The following SGCZ variants were observed in gnomAD, a reference collection of about 807,000 sequenced individuals.
SGCZ encodes zeta-sarcoglycan.
A neutral mutation model predicts 41.3 loss-of-function variants in SGCZ; 40 were observed. The observed-to-expected ratio is 0.97, with a 90% CI of 0.75 to 1.26. The LOEUF is 1.26. SGCZ is among the 50% of genes most tolerant of loss of function. SGCZ has a pLI of 0.00. For missense variants in SGCZ, 552 were observed against 369.8 expected, an observed-to-expected ratio of 1.49 and a Z score of -4.04; for synonymous variants, 206 against 137.5, an observed-to-expected ratio of 1.50 and a Z score of -3.49.
chr8:14,886,546 C>T (rs1178879610), intron 1 of SGCZ, among the ~76,000 whole-genome samples: 1 of 151,852 alleles, frequency 6.6e-6, no homozygotes, highest in East Asian at 2.0e-4. Flanking sequence ...AATGAGGTGG[C>T]TGGGGGAGGG....
At chr8:15,132,109 C>T (rs979522658) in intron 1 of SGCZ, among the ~76,000 whole-genome samples, 2 of 152,124 alleles carry the variant, frequency 1.3e-5, no homozygotes. Context: ...AAGCCATTAG[C>T]TCAGTTAATT....
chr8:14,697,787 T>C (rs570041771), intron 1 of SGCZ, among the ~76,000 whole-genome samples: 32 of 152,120 alleles, frequency 2.1e-4, no homozygotes, highest in African/African-American at 7.5e-4. Flanking sequence ...ATTCCAAAAA[T>C]CATATTTTAT....
In SGCZ at chr8:14,632,972, G is replaced by A. The variant is rs147273751; in HGVS notation, c.40-78046C>T. On this transcript the variant is annotated intron_variant, in intron 1 of 7. Transcript: ENST00000382080. ...GAAAACTTTTTGCTTGTTAATAAGT[G>A]AATTATATATATATATTATTTTAAA... Among the ~76,000 whole-genome samples, 13 of 151,576 alleles carry A rather than the reference G, an allele frequency of 8.6e-5. No homozygotes were observed. In the East Asian group the frequency reaches 2.3e-3, roughly 27 times the overall value.
At chr8:14,488,076 C>A (rs1801729322) in intron 2 of SGCZ, among the ~76,000 whole-genome samples, 1 of 152,262 alleles carries the variant, frequency 6.6e-6, no homozygotes, top group Non-Finnish European at 1.5e-5. Flanking sequence ...GCAGCTCAGA[C>A]TTTTGGTGGC....
intron 7 of SGCZ, among the ~76,000 whole-genome samples, chr8:14,092,709 A>G (rs1801726106): frequency 6.6e-6 from 1 of 152,046 alleles, no homozygotes; most frequent in Admixed American, 6.6e-5. Context: ...CCACCACATA[A>G]GATGCGCCTT....
At chr8:15,127,076 T>C (rs1807720128) in intron 1 of SGCZ, among the ~76,000 whole-genome samples, 1 of 152,184 alleles carries the variant, frequency 6.6e-6, no homozygotes, top group South Asian at 2.1e-4. Flanking sequence ...ACACTTCACT[T>C]TAAGATTTAG....
intron 1 of SGCZ, among the ~76,000 whole-genome samples, chr8:14,934,537 G>C (rs1282856266): frequency 6.6e-6 from 1 of 151,596 alleles, no homozygotes; most frequent in Non-Finnish European, 1.5e-5. Flanking sequence ...TAGAACTGAA[G>C]AAAATACGAA....
chr8:14,360,915 C>T (rs531392411), intron 2 of SGCZ, among the ~76,000 whole-genome samples: 56 of 152,140 alleles, frequency 3.7e-4, no homozygotes, highest in Admixed American at 9.8e-4. Flanking sequence ...CAACAAGGGA[C>T]GAGTGATCTA....
intron 3 of SGCZ, among the ~76,000 whole-genome samples, chr8:14,275,038 C>G (rs958158431): frequency 6.6e-6 from 1 of 152,076 alleles, no homozygotes; most frequent in Non-Finnish European, 1.5e-5. Flanking sequence ...AATTTAATAT[C>G]AGACATCAGG....
chr8:14,711,657 T>C (rs905519134), intron 1 of SGCZ, among the ~76,000 whole-genome samples: 1 of 147,826 alleles, frequency 6.8e-6, no homozygotes, highest in Non-Finnish European at 1.5e-5. Flanking sequence ...AAAATGCTAG[T>C]GGAAAAGGAT....
intron 3 of SGCZ, among the ~76,000 whole-genome samples, chr8:14,268,489 A>C (rs544283326): frequency 3.0e-4 from 45 of 151,884 alleles, no homozygotes; most frequent in African/African-American, 1.1e-3. Flanking sequence ...GCTATAACAC[A>C]ATTGGAAGTT....
intron 3 of SGCZ, among the ~76,000 whole-genome samples, chr8:14,305,876 T>G (rs1355686844): frequency 6.6e-6 from 1 of 152,196 alleles, no homozygotes; most frequent in East Asian, 1.9e-4. Context: ...GGACTCACTC[T>G]CTATTGCCGC....
intron 1 of SGCZ, among the ~76,000 whole-genome samples, chr8:14,913,917 A>G (rs1427169928): frequency 1.3e-5 from 2 of 152,090 alleles, no homozygotes; most frequent in Non-Finnish European, 2.9e-5. Flanking sequence ...TGTCAGAGAA[A>G]TCCCTGAAAG....
intron 1 of SGCZ, among the ~76,000 whole-genome samples, chr8:14,718,592 T>C (rs1307637930): frequency 6.6e-6 from 1 of 151,942 alleles, no homozygotes; most frequent in Non-Finnish European, 1.5e-5. Flanking sequence ...ACATAGCCTA[T>C]ACATATACAA....
chr8:14,492,314 C>G (rs1801864018), intron 2 of SGCZ, among the ~76,000 whole-genome samples: 1 of 151,988 alleles, frequency 6.6e-6, no homozygotes, highest in South Asian at 2.1e-4. Context: ...AAGCTGAAAG[C>G]AATACTGGAC....
At chr8:14,407,652 G>T (rs752182761) in intron 2 of SGCZ, among the ~76,000 whole-genome samples, 3 of 152,108 alleles carry the variant, frequency 2.0e-5, no homozygotes, top group South Asian at 2.1e-4. Context: ...TGCTAAATAG[G>T]TTGATAAAAT....
chr8:15,191,735 A>G lies in SGCZ; in HGVS notation c.39+45850T>C, dbSNP rs564515210. 3.3e-5 allele frequency among the ~76,000 whole-genome samples: 5 copies of G among 151,990 alleles called. No individual in the cohort carries two copies. The East Asian group carries it at 9.6e-4, about 29-fold the overall frequency. On this transcript the variant is annotated intron_variant, in intron 1 of 7. Coordinates refer to ENST00000382080, the MANE Select transcript of SGCZ (RefSeq NM_139167.4). The stretch of plus-strand genomic sequence containing the variant: ...AGCATGTACAAATAATATGCTAGGA[A>G]TAGAAGCAGTTGAAAAAATACTGAT...
intron 1 of SGCZ, among the ~76,000 whole-genome samples, chr8:15,187,306 A>G (rs745339785): frequency 4.6e-5 from 7 of 152,116 alleles, no homozygotes; most frequent in Non-Finnish European, 1.0e-4. Flanking sequence ...CAAACGAAGA[A>G]ACTCATGAAT....
At chr8:14,289,012 G>A (rs997429495) in intron 3 of SGCZ, among the ~76,000 whole-genome samples, 1 of 151,936 alleles carries the variant, frequency 6.6e-6, no homozygotes, top group African/African-American at 2.4e-5. Context: ...TTTTATTTGT[G>A]TTTTCTTGAT....
Sources: gnomAD v4.1 joint callset for allele counts (sites outside exome capture counted in the v4.1 genomes callset) on GRCh38, gnomAD v4.1.1 for gene constraint, MANE v1.5 for transcripts, NCBI Gene and HGNC (gene_info 2026-07-23, HGNC 2026-07-21) for gene names.